Variants in APAF1 observed in about 807,000 individuals in gnomAD.
The protein encoded by APAF1 is apoptotic protease-activating factor 1.
A neutral mutation model predicts 152.4 loss-of-function variants in APAF1; 91 were observed. The observed-to-expected ratio is 0.60, with a 90% CI of 0.50 to 0.71. The LOEUF is 0.71. Ranked by LOEUF, APAF1 falls within the 30% of genes least tolerant of loss-of-function variation. The pLI is 0.00. For synonymous variants in APAF1, 484 were observed against 494.1 expected (o/e 0.98, Z 0.27); for missense variants, 1,283 against 1,472.0 (o/e 0.87, Z 2.10).
rs748179136 is a variant in APAF1, at chr12:98,659,179, G to A, written c.546G>A (p.Val182=). 63 of 1,614,064 alleles carry A rather than the reference G, an allele frequency of 3.9e-5. No homozygotes were observed. Among genetic ancestry groups the A allele is most frequent in the Non-Finnish European group, 1.8e-5 (21 of 1,180,026 alleles). The part of the protein sequence containing the change: ...SLLEGCFPGG[V]HWVSVGKQDK... ...CACTAGGTTGTTTCCCAGGGGGAGT[G>A]CATTGGGTTTCAGTTGGGAAACAAG... The change falls in exon 5 of 27, where the codon GTG becomes GTA. Residue 182 remains valine (V), a synonymous_variant. Coordinates refer to ENST00000551964, the MANE Select transcript of APAF1 (RefSeq NM_181861.2).
intron 16 of APAF1, among the ~76,000 whole-genome samples, chr12:98,698,578 C>T (rs17028634): frequency 0.021 from 3,258 of 152,186 alleles, 117 homozygotes; most frequent in African/African-American, 0.075. Context: ...TCTTTTTACT[C>T]GAGAGATTTG....
chr12:98,682,485 C>T (rs975319658), intron 14 of APAF1, among the ~76,000 whole-genome samples: 1 of 152,212 alleles, frequency 6.6e-6, no homozygotes, highest in Non-Finnish European at 1.5e-5. Flanking sequence ...GAAGAGGACG[C>T]AGATTCAGAG....
chr12:98,693,469 C>T (rs764190416), intron 16 of APAF1, among the ~76,000 whole-genome samples: 16 of 152,172 alleles, frequency 1.1e-4, no homozygotes, highest in African/African-American at 1.9e-4. Flanking sequence ...ACAATTGAGC[C>T]GTATCGTGTG....
At chr12:98,658,019 C>T (rs1205812001) in intron 4 of APAF1, among the ~76,000 whole-genome samples, 3 of 152,002 alleles carry the variant, frequency 2.0e-5, no homozygotes, top group African/African-American at 7.2e-5. Flanking sequence ...TTGTGAATAC[C>T]AGTAAATAAA....
At chr12:98,694,451 A>T (rs900264338) in intron 16 of APAF1, among the ~76,000 whole-genome samples, 8 of 151,748 alleles carry the variant, frequency 5.3e-5, no homozygotes, top group African/African-American at 1.7e-4. Context: ...CTGGATTAAA[A>T]TTTTTTTTCC....
chr12:98,707,232 C>G (rs2097722379), intron 19 of APAF1, among the ~76,000 whole-genome samples: 1 of 152,212 alleles, frequency 6.6e-6, no homozygotes, highest in African/African-American at 2.4e-5. Flanking sequence ...CTGCTCCACT[C>G]TGTCTCCCAG....
chr12:98,694,730 G>A (rs1233854007), intron 16 of APAF1, among the ~76,000 whole-genome samples: 1 of 151,918 alleles, frequency 6.6e-6, no homozygotes, highest in African/African-American at 2.4e-5. Context: ...TTTGGTTTCT[G>A]TTTGGATTTT....
At chr12:98,670,729 G>T in intron 10 of APAF1, 1 of 315,054 alleles carries the variant, frequency 3.2e-6, no homozygotes, top group Non-Finnish European at 5.8e-6. Context: ...TTATTTTCTA[G>T]TATTTTTAAA....
Position 98,723,749 on chromosome 12 carries a change from T to C in APAF1, c.3315T>C (p.Ala1105=), listed in dbSNP as rs746374886. 1 of 1,613,896 alleles carries C rather than the reference T, an allele frequency of 6.2e-7. No individual in the cohort carries two copies. Among genetic ancestry groups the C allele is most frequent in the Non-Finnish European group, 8.5e-7 (1 of 1,179,890 alleles). ...HDATKFSSTS[A]DKTAKIWSFD... is the part of the protein sequence containing the mutation. ...CTACCAAGTTTTCATCTACCTCTGC[T>C]GACAAGACTGCAAAGGTAGGTCAAT... The change falls in exon 24 of 27, where the codon GCT becomes GCC. Residue 1105 remains alanine, a synonymous_variant. Coordinates refer to ENST00000551964, the MANE Select transcript of APAF1 (RefSeq NM_181861.2).
chr12:98,649,945 G>A (rs1254321362), intron 4 of APAF1, among the ~76,000 whole-genome samples: 2 of 152,076 alleles, frequency 1.3e-5, no homozygotes, highest in Non-Finnish European at 2.9e-5. Flanking sequence ...TAGGGAAGGT[G>A]GGAAAGGTAG....
intron 22 of APAF1, among the ~76,000 whole-genome samples, 174 bp from the exon 23 acceptor site, chr12:98,723,019 G>A (rs556326689): frequency 1.9e-3 from 296 of 152,064 alleles, no homozygotes; most frequent in African/African-American, 6.3e-3. Context: ...TTACATAACC[G>A]CAGCTTCTGT....
In APAF1 at chr12:98,723,283, C is replaced by G; in HGVS notation, c.3175C>G (p.Leu1059Val). 1 of 1,613,580 alleles carries G rather than the reference C, an allele frequency of 6.2e-7. No individual in the cohort carries two copies. Residue 1059 changes from leucine to valine, a missense_variant, in exon 23 of 27, where the codon CTT becomes GTT. Physicochemically the swap from Leu to Val is conservative, Grantham distance 32. Transcript: ENST00000551964. Reference protein sequence around the residue: ...DFRLLKNSRLLSWSFDGTVKV... With the variant: ...DFRLLKNSRLVSWSFDGTVKV... ...TAGACTCTTGAAAAATTCAAGACTG[C>G]TTTCTTGGTCATTTGATGGAACAGT...
In APAF1 at chr12:98,677,420, T is replaced by C; in HGVS notation, c.1794-5T>C. 6.2e-7 allele frequency: 1 copy of C among 1,614,018 alleles called. No homozygotes were observed. The highest frequency in any genetic ancestry group is 8.5e-7 in the Non-Finnish European group (1 of 1,179,932). On this transcript the variant is annotated splice_region_variant and splice_polypyrimidine_tract_variant and intron_variant, in intron 12 of 26. Coordinates refer to ENST00000551964, the MANE Select transcript of APAF1 (RefSeq NM_181861.2). Reference sequence around the variant, plus strand: ...AATTTCTGTTCATTTTTTCCCTGTATTTAGAAACAAAAAAAACATCACGAA... The same window carrying C: ...AATTTCTGTTCATTTTTTCCCTGTACTTAGAAACAAAAAAAACATCACGAA...
Position 98,735,419 on chromosome 12 carries a change from T to C in APAF1, c.*2853T>C, listed in dbSNP as rs140352209. The C allele has an allele frequency of 0.025, 10,746 of 427,004 alleles. 177 individuals carry two copies. Among genetic ancestry groups the C allele is most frequent in the Non-Finnish European group, 0.033 (7,925 of 237,836 alleles). 26.5% of individuals were successfully genotyped at this position (427,004 alleles called of 1,614,324 possible). A position where few individuals can be genotyped will look rare whatever the true frequency, so the allele number is the denominator to read the frequency against. On this transcript the variant is annotated 3_prime_UTR_variant, in exon 27 of 27. Transcript: ENST00000551964. ...TTTTGTAAAAATAAAATTCACAAAATTGTTTTGAAAAACATTTTTGGATTG... is the reference window on the plus strand; with the variant it reads ...TTTTGTAAAAATAAAATTCACAAAACTGTTTTGAAAAACATTTTTGGATTG...
At chr12:98,710,494 A>G (rs979149302) in intron 20 of APAF1, among the ~76,000 whole-genome samples, 1 of 152,192 alleles carries the variant, frequency 6.6e-6, no homozygotes, top group Non-Finnish European at 1.5e-5. Flanking sequence ...AGAAGACGAG[A>G]GTAATAGAGC....
intron 10 of APAF1, among the ~76,000 whole-genome samples, chr12:98,670,626 G>A (rs1188922692): frequency 6.6e-6 from 1 of 151,850 alleles, no homozygotes; most frequent in Non-Finnish European, 1.5e-5. Flanking sequence ...CTTTTATATA[G>A]TTAAGTGCAG....
chr12:98,730,901 T>C (rs1337778580), intron 26 of APAF1, among the ~76,000 whole-genome samples: 1 of 152,232 alleles, frequency 6.6e-6, no homozygotes, highest in Non-Finnish European at 1.5e-5. Context: ...ATAATTTAGC[T>C]GTTTACCTGC....
At chr12:98,674,390 C>T (rs1305463653) in intron 12 of APAF1, among the ~76,000 whole-genome samples, 1 of 152,168 alleles carries the variant, frequency 6.6e-6, no homozygotes, top group Non-Finnish European at 1.5e-5. Flanking sequence ...CTCCTACCTT[C>T]CCACTTTCCA....
chr12:98,690,976 A>G (rs2097703527), intron 16 of APAF1, among the ~76,000 whole-genome samples: 2 of 152,142 alleles, frequency 1.3e-5, no homozygotes, highest in Admixed American at 6.5e-5. Flanking sequence ...TGGGAGGCCG[A>G]GGTGGGCGGA....
Sources: gnomAD v4.1 joint callset for allele counts (sites outside exome capture counted in the v4.1 genomes callset) on GRCh38, gnomAD v4.1.1 for gene constraint, MANE v1.5 for transcripts, NCBI Gene and HGNC (gene_info 2026-07-23, HGNC 2026-07-21) for gene names.